The following GRM8 variants were observed in gnomAD, a reference collection of about 807,000 sequenced individuals.
GRM8 encodes metabotropic glutamate receptor 8.
GRM8 carries 47 observed loss-of-function variants against 87.2 expected under a neutral mutation model. The ratio of observed to expected loss-of-function variants is 0.54; its 90% CI spans 0.43 to 0.69. The LOEUF (loss-of-function observed/expected upper bound fraction) is 0.69, where lower values mean the gene tolerates loss of function less well. Ranked by LOEUF, GRM8 falls within the 30% of genes least tolerant of loss-of-function variation. GRM8 has a pLI of 0.00. For missense variants in GRM8, 1,019 were observed against 1,139.2 expected (o/e 0.89, Z 1.52); for synonymous variants, 396 against 404.5 (o/e 0.98, Z 0.25).
intron 9 of GRM8, among the ~76,000 whole-genome samples, chr7:126,528,263 G>T (rs75783028): frequency 6.6e-6 from 1 of 152,110 alleles, no homozygotes; most frequent in African/African-American, 2.4e-5. Context: ...TCAGTTGGGG[G>T]TCTGCTCAGA....
chr7:127,020,030 C>T (rs1333995953), intron 3 of GRM8, among the ~76,000 whole-genome samples: 2 of 152,034 alleles, frequency 1.3e-5, no homozygotes, highest in Non-Finnish European at 2.9e-5. Context: ...GAACAGATCC[C>T]AACCTAATTA....
intron 9 of GRM8, among the ~76,000 whole-genome samples, chr7:126,478,837 C>T (rs1428496022): frequency 6.6e-6 from 1 of 151,906 alleles, no homozygotes; most frequent in African/African-American, 2.4e-5. Flanking sequence ...TAGTTTTCAC[C>T]TTATGAACTA....
At chr7:127,031,158 C>G (rs898450900) in intron 3 of GRM8, among the ~76,000 whole-genome samples, 3 of 152,114 alleles carry the variant, frequency 2.0e-5, no homozygotes, top group African/African-American at 7.2e-5. Context: ...ATGTAGATTA[C>G]TGTCAAATCA....
chr7:127,045,262 T>C (rs992645692), intron 3 of GRM8, among the ~76,000 whole-genome samples: 18 of 152,126 alleles, frequency 1.2e-4, no homozygotes, highest in African/African-American at 4.3e-4. Context: ...GTATAAATAG[T>C]GTGGCATATT....
In GRM8 at chr7:126,533,645, C is replaced by T. The variant is rs1815211066; in HGVS notation, c.1737G>A (p.Trp579Ter). The stretch of plus-strand genomic sequence containing the variant: ...CAGGCACCACAGCCCAGGGAGAATG[C>T]CACTCCAATTTGATGATGGGGATAA... ...CQLIPIIKLE[W>*]HSPWAVVPVF... Residue 579 changes from tryptophan to a stop codon, truncating the protein, a stop_gained, in exon 9 of 11, where the codon TGG becomes TGA. Coordinates refer to ENST00000339582, the MANE Select transcript of GRM8 (RefSeq NM_000845.3). LOFTEE classifies it high-confidence loss of function. 1 of 1,613,896 alleles carries T rather than the reference C, an allele frequency of 6.2e-7. No homozygotes were observed. The highest frequency in any genetic ancestry group is 1.3e-5 in the African/African-American group (1 of 74,884).
At chr7:126,638,745 A>C (rs1253398136) in intron 7 of GRM8, among the ~76,000 whole-genome samples, 1 of 152,212 alleles carries the variant, frequency 6.6e-6, no homozygotes, top group African/African-American at 2.4e-5. Flanking sequence ...TATTTATAGA[A>C]GGTAGGGCAC....
chr7:126,807,258 A>G (rs1252673840), intron 6 of GRM8, among the ~76,000 whole-genome samples: 1 of 152,184 alleles, frequency 6.6e-6, no homozygotes, highest in African/African-American at 2.4e-5. Flanking sequence ...ATAGCTCTCT[A>G]AATGGCACAA....
At chr7:126,556,844 T>C (rs1162472973) in intron 8 of GRM8, among the ~76,000 whole-genome samples, 2 of 152,212 alleles carry the variant, frequency 1.3e-5, no homozygotes, top group African/African-American at 2.4e-5. Flanking sequence ...TTCTATTCCA[T>C]TGTCTTTAGT....
In GRM8 at chr7:126,993,433, AT is replaced by A. The variant is rs146853083; in HGVS notation, c.728-88751del. On this transcript the variant is annotated intron_variant, in intron 3 of 10. Coordinates refer to ENST00000339582, the MANE Select transcript of GRM8 (RefSeq NM_000845.3). The stretch of plus-strand genomic sequence containing the variant: ...GCTGAGGGTGGAGCAAGATGGCCAA[AT>A]AAAAGTCTCCACAAATTGTCTCACC... Among the ~76,000 whole-genome samples the A allele has an allele frequency of 9.4e-3, 1,428 of 152,324 alleles. 28 individuals are homozygous for A. The highest frequency in any genetic ancestry group is 0.033 in the African/African-American group (1,359 of 41,570).
At chr7:126,971,690 T>A (rs1386340693) in intron 3 of GRM8, among the ~76,000 whole-genome samples, 1 of 152,150 alleles carries the variant, frequency 6.6e-6, no homozygotes, top group Non-Finnish European at 1.5e-5. Context: ...AAGAGATTAG[T>A]TAAAATGGAG....
At chr7:126,497,073 T>C (rs1368004076) in intron 9 of GRM8, among the ~76,000 whole-genome samples, 1 of 151,264 alleles carries the variant, frequency 6.6e-6, no homozygotes, top group Non-Finnish European at 1.5e-5. Flanking sequence ...TAATATTTAA[T>C]ACCATACACA....
intron 3 of GRM8, among the ~76,000 whole-genome samples, chr7:127,097,906 T>C (rs1009902679): frequency 3.3e-5 from 5 of 152,362 alleles, no homozygotes; most frequent in Admixed American, 2.6e-4. Context: ...TGAATGCTGT[T>C]TGCTGTTTCA....
At chr7:126,728,552 T>C (rs1422200882) in intron 7 of GRM8, among the ~76,000 whole-genome samples, 1 of 152,080 alleles carries the variant, frequency 6.6e-6, no homozygotes, top group East Asian at 1.9e-4. Context: ...AAAAGCAGCA[T>C]ACCCACACTG....
chr7:126,771,814 C>G (rs991834792), intron 6 of GRM8, among the ~76,000 whole-genome samples: 1 of 152,012 alleles, frequency 6.6e-6, no homozygotes, highest in Non-Finnish European at 1.5e-5. Context: ...GAAAGTTTTG[C>G]AAGTTTGCGA....
At chr7:126,913,545 C>A (rs1803537466) in intron 3 of GRM8, among the ~76,000 whole-genome samples, 1 of 152,128 alleles carries the variant, frequency 6.6e-6, no homozygotes, top group African/African-American at 2.4e-5. Context: ...CAGATAATAG[C>A]AATGAGCAAA....
chr7:127,051,426 C>A (rs1229182475), intron 3 of GRM8, among the ~76,000 whole-genome samples: 1 of 151,942 alleles, frequency 6.6e-6, no homozygotes, highest in Non-Finnish European at 1.5e-5. Flanking sequence ...GTACAATACC[C>A]CATGTTAAGT....
chr7:126,786,156 T>C (rs1308181471), intron 6 of GRM8, among the ~76,000 whole-genome samples: 1 of 152,150 alleles, frequency 6.6e-6, no homozygotes, highest in African/African-American at 2.4e-5. Context: ...TACTTCAAAG[T>C]GTTGTAAGGA....
chr7:126,740,755 GCA>G (rs1375303917), intron 7 of GRM8, among the ~76,000 whole-genome samples: 26 of 152,240 alleles, frequency 1.7e-4, no homozygotes, highest in Admixed American at 3.3e-4. Context: ...GGTTTTGGCA[GCA>G]GAGTCTTGTC....
chr7:126,779,941 A>T (rs992926451), intron 6 of GRM8, among the ~76,000 whole-genome samples: 4 of 152,154 alleles, frequency 2.6e-5, no homozygotes, highest in African/African-American at 9.7e-5. Context: ...GGAATTTATG[A>T]CCTATGTTGC....
Sources: gnomAD v4.1 joint callset for allele counts (sites outside exome capture counted in the v4.1 genomes callset) on GRCh38, gnomAD v4.1.1 for gene constraint, MANE v1.5 for transcripts, NCBI Gene and HGNC (gene_info 2026-07-23, HGNC 2026-07-21) for gene names.